Variants in COA1 observed in about 807,000 individuals in gnomAD.
The protein encoded by COA1 is cytochrome c oxidase assembly factor 1 homolog.
A neutral mutation model predicts 16.0 loss-of-function variants in COA1; 13 were observed. That is an observed-to-expected ratio of 0.81 (90% confidence interval 0.53 to 1.29). The LOEUF is 1.29. Ranked by LOEUF, COA1 falls within the 50% of genes most tolerant of loss-of-function variation. The probability of loss-of-function intolerance (pLI) is 0.00; values close to 1 mark genes in which losing one functional copy is unlikely to be tolerated. For synonymous variants in COA1, 65 were observed against 65.7 expected (o/e 0.99, Z 0.05); for missense variants, 179 against 177.0 (o/e 1.01, Z -0.06).
rs997394883 is a variant in COA1, at chr7:43,685,382, G to A, written c.-38-36730C>T. Among the ~76,000 whole-genome samples the A allele has an allele frequency of 5.3e-5, 8 of 151,616 alleles. No individual in the cohort carries two copies. In the South Asian group the frequency reaches 8.3e-4, roughly 16 times the overall value. ...CCCAAATGAGATTTTAATTTCTGAC[G>A]TGTCATTAAAACATCTACAACACAA... On this transcript the variant is annotated intron_variant, in intron 1 of 5. Transcript: ENST00000223336.
chr7:43,665,097 CATT>C (rs2092788962), intron 1 of COA1, among the ~76,000 whole-genome samples: 1 of 152,004 alleles, frequency 6.6e-6, no homozygotes, highest in Non-Finnish European at 1.5e-5. Context: ...TTTCAAAAAA[CATT>C]AATGTGTTTT....
intron 6 of COA1, among the ~76,000 whole-genome samples, chr7:43,630,987 A>G (rs1187145332): frequency 6.6e-6 from 1 of 152,068 alleles, no homozygotes; most frequent in East Asian, 1.9e-4. Flanking sequence ...TAGAAAACTC[A>G]AGGAGGAAAG....
At chr7:43,706,536 G>A (rs2094982668) in intron 1 of COA1, among the ~76,000 whole-genome samples, 2 of 149,032 alleles carry the variant, frequency 1.3e-5, no homozygotes, top group South Asian at 4.2e-4. Flanking sequence ...AACAAAGCAA[G>A]AACACATCTT....
At chr7:43,640,451 G>A (rs2086763412) in intron 5 of COA1, 122 bp downstream of exon 5, 1 of 778,386 alleles carries the variant, frequency 1.3e-6, no homozygotes, top group African/African-American at 1.8e-5. Context: ...TCAGCTTCAA[G>A]CTTGAAAAAT....
chr7:43,644,091 C>T (rs975397758), intron 4 of COA1, among the ~76,000 whole-genome samples: 1 of 152,124 alleles, frequency 6.6e-6, no homozygotes, highest in Non-Finnish European at 1.5e-5. Context: ...ATCACACTGA[C>T]AGGCGACACA....
rs2093991894 is a variant in COA1, at chr7:43,685,718, A to T, written c.-38-37066T>A. Among the ~76,000 whole-genome samples the T allele has an allele frequency of 2.0e-5, 3 of 152,204 alleles. No homozygotes were observed. In the South Asian group the frequency reaches 6.2e-4, roughly 31 times the overall value. ...GAGTCCTGGAACAAACCCAGACAAAAGCAAGGTACAAACTGTCTCACCAAA... is the reference window on the plus strand; with the variant it reads ...GAGTCCTGGAACAAACCCAGACAAATGCAAGGTACAAACTGTCTCACCAAA... On this transcript the variant is annotated intron_variant, in intron 1 of 5. Coordinates refer to ENST00000223336, the MANE Select transcript of COA1 (RefSeq NM_018224.4).
chr7:43,702,644 T>C (rs1371834543), intron 1 of COA1, among the ~76,000 whole-genome samples: 1 of 152,218 alleles, frequency 6.6e-6, no homozygotes, highest in East Asian at 1.9e-4. Context: ...TTCTAGTTTC[T>C]CTACATAGGG....
At chr7:43,662,272 C>T (rs1334042929) in intron 1 of COA1, among the ~76,000 whole-genome samples, 1 of 152,208 alleles carries the variant, frequency 6.6e-6, no homozygotes, top group African/African-American at 2.4e-5. Flanking sequence ...CTGTGTCACC[C>T]AGGCTGGAGT....
intron 1 of COA1, among the ~76,000 whole-genome samples, chr7:43,686,122 T>C (rs1196220443): frequency 1.3e-5 from 2 of 152,200 alleles, no homozygotes; most frequent in Admixed American, 6.5e-5. Context: ...AAAAACTGCT[T>C]TACCAGCTTA....
intron 6 of COA1, among the ~76,000 whole-genome samples, chr7:43,615,389 C>A (rs1347784858): frequency 6.6e-6 from 1 of 152,016 alleles, no homozygotes; most frequent in Non-Finnish European, 1.5e-5. Flanking sequence ...GTTGCCCAGG[C>A]TGGTCTCGAA....
At chr7:43,629,645 CTT>C (rs1380738048) in intron 6 of COA1, among the ~76,000 whole-genome samples, 2 of 152,134 alleles carry the variant, frequency 1.3e-5, no homozygotes, top group Non-Finnish European at 2.9e-5. Flanking sequence ...TCTTTTGAAA[CTT>C]TTGTTGGTAA....
intron 1 of COA1, among the ~76,000 whole-genome samples, chr7:43,657,888 A>C (rs2153143013): frequency 6.6e-6 from 1 of 152,186 alleles, no homozygotes; most frequent in East Asian, 1.9e-4. Flanking sequence ...AGAGAAGGCA[A>C]ATAAGCATAT....
chr7:43,699,977 C>G (rs866073644), intron 1 of COA1, among the ~76,000 whole-genome samples: 2 of 151,910 alleles, frequency 1.3e-5, no homozygotes, highest in Non-Finnish European at 2.9e-5. Flanking sequence ...TTTGTAAGCA[C>G]TCTAAGGACA....
At chr7:43,631,962 G>A (rs2085218877) in intron 6 of COA1, 1 of 152,190 alleles carries the variant, frequency 6.6e-6, no homozygotes, top group Non-Finnish European at 1.5e-5. Context: ...AAGATAAGTT[G>A]CTGAAGCCTG....
intron 3 of COA1, chr7:43,646,852 T>C: frequency 3.7e-6 from 1 of 270,074 alleles, no homozygotes; most frequent in East Asian, 8.6e-5. Flanking sequence ...AGTGAAAATG[T>C]TGCAGAGTGG....
chr7:43,691,437 G>GAA (rs1180903662), intron 1 of COA1, among the ~76,000 whole-genome samples: 2 of 110,884 alleles, frequency 1.8e-5, no homozygotes, highest in East Asian at 2.5e-4. Flanking sequence ...AAGAAAGAAA[G>GAA]AAAGAAAGAA....
At chr7:43,704,929 G>T (rs527348944) in intron 1 of COA1, among the ~76,000 whole-genome samples, 4 of 152,266 alleles carry the variant, frequency 2.6e-5, no homozygotes, top group African/African-American at 9.6e-5. Flanking sequence ...TACCTGTGTG[G>T]GCTGATATCC....
At chr7:43,692,948 G>GT (rs2094421621) in intron 1 of COA1, among the ~76,000 whole-genome samples, 1 of 152,146 alleles carries the variant, frequency 6.6e-6, no homozygotes, top group South Asian at 2.1e-4. Flanking sequence ...TCACCTGGGA[G>GT]TTTTTTAAAA....
intron 1 of COA1, chr7:43,649,605 T>C (rs1028434875): frequency 2.6e-5 from 4 of 152,224 alleles, no homozygotes; most frequent in Non-Finnish European, 5.9e-5. Flanking sequence ...TATAAGGAAT[T>C]TTCCTTGGTC....
Sources: gnomAD v4.1 joint callset for allele counts (sites outside exome capture counted in the v4.1 genomes callset) on GRCh38, gnomAD v4.1.1 for gene constraint, MANE v1.5 for transcripts, NCBI Gene and HGNC (gene_info 2026-07-23, HGNC 2026-07-21) for gene names.